Variants in DPYD observed in about 807,000 individuals in gnomAD.
DPYD encodes dihydropyrimidine dehydrogenase.
A neutral mutation model predicts 116.2 loss-of-function variants in DPYD; 109 were observed. The ratio of observed to expected loss-of-function variants is 0.94; its 90% CI spans 0.80 to 1.10. The LOEUF is 1.10. Ranked by LOEUF, DPYD falls within the 50% of genes least tolerant of loss-of-function variation. The probability of loss-of-function intolerance (pLI) is 0.00; values close to 1 mark genes in which losing one functional copy is unlikely to be tolerated. For missense variants in DPYD, 1,302 were observed against 1,254.5 expected, an observed-to-expected ratio of 1.04 and a Z score of -0.57; for synonymous variants, 440 against 432.0, an observed-to-expected ratio of 1.02 and a Z score of -0.23.
chr1:97,449,954 AT>A, intron 14 of DPYD, 104 bp downstream of exon 14: 1 of 1,429,460 alleles, frequency 7.0e-7, no homozygotes, highest in South Asian at 1.2e-5. Context: ...AGATTCTTTA[AT>A]AAAATATACA....
chr1:97,673,726 G>T (rs1659995139), intron 8 of DPYD, among the ~76,000 whole-genome samples: 1 of 152,120 alleles, frequency 6.6e-6, no homozygotes, highest in Non-Finnish European at 1.5e-5. Context: ...GAGTTTGTGT[G>T]GGGTGGGGGG....
chr1:97,587,791 T>TC (rs1404538102), intron 10 of DPYD, among the ~76,000 whole-genome samples: 2 of 134,640 alleles, frequency 1.5e-5, no homozygotes, highest in East Asian at 4.3e-4. Context: ...GCCACTGCAC[T>TC]CCAGCCTAGG....
At chr1:97,347,024 A>AT (rs145072449) in intron 16 of DPYD, among the ~76,000 whole-genome samples, 8,354 of 151,764 alleles carry the variant, frequency 0.055, 274 homozygotes, top group Middle Eastern at 0.13. Context: ...TCTTTTGGAT[A>AT]TTTTTTATAG....
intron 20 of DPYD, among the ~76,000 whole-genome samples, chr1:97,140,613 A>G (rs917544563): frequency 3.3e-5 from 5 of 152,286 alleles, no homozygotes; most frequent in Non-Finnish European, 7.4e-5. Flanking sequence ...CACAGGTGAC[A>G]TGGAGAAGTG....
intron 12 of DPYD, among the ~76,000 whole-genome samples, chr1:97,547,511 TTTTCTTTC>T (rs1005120327): frequency 6.6e-6 from 1 of 151,886 alleles, no homozygotes; most frequent in Non-Finnish European, 1.5e-5. Context: ...ATTGTGTTCT[TTTTCTTTC>T]TTTCTTTCTT....
At chr1:97,714,644 AAAAG>A (rs1662501255) in intron 5 of DPYD, among the ~76,000 whole-genome samples, 1 of 150,550 alleles carries the variant, frequency 6.6e-6, no homozygotes, top group Non-Finnish European at 1.5e-5. Context: ...CAGAAGTTAA[AAAAG>A]AAAAGACAAA....
intron 13 of DPYD, among the ~76,000 whole-genome samples, chr1:97,495,847 AG>A (rs1248998389): frequency 1.3e-5 from 2 of 152,170 alleles, no homozygotes; most frequent in Non-Finnish European, 2.9e-5. Flanking sequence ...TTTGAAATTT[AG>A]AACTCTGCAT....
chr1:97,184,030 T>A (rs1265436416), intron 20 of DPYD, among the ~76,000 whole-genome samples: 1 of 152,148 alleles, frequency 6.6e-6, no homozygotes, highest in Admixed American at 6.6e-5. Flanking sequence ...TAGTTTTCTG[T>A]TCCTGCATTA....
At chr1:97,684,110 C>G (rs1660578318) in intron 7 of DPYD, among the ~76,000 whole-genome samples, 1 of 152,098 alleles carries the variant, frequency 6.6e-6, no homozygotes, top group Admixed American at 6.6e-5. Context: ...TTGTCTAGTT[C>G]TTTTAGTTGT....
intron 19 of DPYD, among the ~76,000 whole-genome samples, chr1:97,203,793 CAAA>C (rs56819543): frequency 0.14 from 8,779 of 64,582 alleles, 173 homozygotes; most frequent in East Asian, 0.45. Context: ...ATTCACATTC[CAAA>C]AAAAAAAAAA....
chr1:97,270,016 ACT>A lies in DPYD; in HGVS notation c.2300-35024_2300-35023del, dbSNP rs1315478731. ...ATTTGGCTCAAATGAAGAACTGTAA[ACT>A]CTTCCATATTTCAGGTGCTTTTCGG... On this transcript the variant is annotated intron_variant, in intron 18 of 22. Coordinates refer to ENST00000370192, the MANE Select transcript of DPYD (RefSeq NM_000110.4). Among the ~76,000 whole-genome samples, 15 of 152,174 alleles carry A rather than the reference ACT, an allele frequency of 9.9e-5. No individual in the cohort carries two copies. In the East Asian group the frequency reaches 2.7e-3, roughly 27 times the overall value.
At chr1:97,285,025 GC>G (rs1291359247) in intron 18 of DPYD, among the ~76,000 whole-genome samples, 1 of 152,138 alleles carries the variant, frequency 6.6e-6, no homozygotes, top group Non-Finnish European at 1.5e-5. Flanking sequence ...CAACATTGAT[GC>G]TAACGGGTCT....
At chr1:97,805,623 A>T (rs541585924) in intron 3 of DPYD, among the ~76,000 whole-genome samples, 89 of 151,698 alleles carry the variant, frequency 5.9e-4, no homozygotes, top group Non-Finnish European at 1.2e-3. Context: ...TCTCTGCTAA[A>T]ATCTAGAAAA....
chr1:97,372,856 T>C (rs945509551), intron 16 of DPYD, among the ~76,000 whole-genome samples: 2 of 152,214 alleles, frequency 1.3e-5, no homozygotes, highest in Non-Finnish European at 2.9e-5. Flanking sequence ...TTTCACATTA[T>C]TTAATTCACA....
chr1:97,385,965 G>C (rs1035508531), intron 14 of DPYD, among the ~76,000 whole-genome samples: 1 of 152,094 alleles, frequency 6.6e-6, no homozygotes, highest in East Asian at 1.9e-4. Flanking sequence ...CACTACAATT[G>C]GACTTGATGA....
intron 2 of DPYD, chr1:97,855,797 T>C (rs1398697514): frequency 6.6e-6 from 1 of 152,330 alleles, no homozygotes; most frequent in East Asian, 1.9e-4. Flanking sequence ...AGAGCTGCTT[T>C]CACAAGAAGC....
At chr1:97,249,763 C>T (rs989789677) in intron 18 of DPYD, among the ~76,000 whole-genome samples, 2 of 151,992 alleles carry the variant, frequency 1.3e-5, no homozygotes, top group East Asian at 3.9e-4. Flanking sequence ...TTACAATAGA[C>T]AAAATACTTG....
chr1:97,379,588 G>A (rs1161047268), intron 15 of DPYD, among the ~76,000 whole-genome samples: 2 of 152,184 alleles, frequency 1.3e-5, no homozygotes, highest in Non-Finnish European at 2.9e-5. Flanking sequence ...CACTGAGCCT[G>A]TCAAAGTGAG....
At chr1:97,843,138 C>T (rs1049291182) in intron 2 of DPYD, among the ~76,000 whole-genome samples, 1 of 152,124 alleles carries the variant, frequency 6.6e-6, no homozygotes, top group East Asian at 1.9e-4. Context: ...TCAATTTATA[C>T]AGACGCCTAT....
Sources: gnomAD v4.1 joint callset for allele counts (sites outside exome capture counted in the v4.1 genomes callset) on GRCh38, gnomAD v4.1.1 for gene constraint, MANE v1.5 for transcripts, NCBI Gene and HGNC (gene_info 2026-07-23, HGNC 2026-07-21) for gene names.